TJP1: variants seen among roughly 807,000 people sequenced by gnomAD.
TJP1 encodes tight junction protein ZO-1.
TJP1 carries 43 observed loss-of-function variants against 194.2 expected under a neutral mutation model. The ratio of observed to expected loss-of-function variants is 0.22; its 90% CI spans 0.17 to 0.29. TJP1 has a LOEUF of 0.29. Among genes scored for constraint, TJP1 ranks in the 10% least tolerant of loss-of-function variants. The probability of loss-of-function intolerance (pLI) is 1.00; values close to 1 mark genes in which losing one functional copy is unlikely to be tolerated. For synonymous variants in TJP1, 801 were observed against 779.0 expected (o/e 1.03, Z -0.47); for missense variants, 1,971 against 2,185.7 (o/e 0.90, Z 1.96).
intron 2 of TJP1, among the ~76,000 whole-genome samples, chr15:29,863,106 C>T (rs1193401206): frequency 1.3e-5 from 2 of 151,558 alleles, no homozygotes; most frequent in Admixed American, 1.3e-4. Flanking sequence ...ACCAGCCTGG[C>T]CAACATGGTG....
chr15:29,763,528 G>T (rs1296694430), intron 5 of TJP1, among the ~76,000 whole-genome samples: 2 of 152,136 alleles, frequency 1.3e-5, no homozygotes, highest in African/African-American at 4.8e-5. Flanking sequence ...CCAGCACTTT[G>T]GGAGGCCAAG....
chr15:29,961,334 C>CTTTTTTTTTTTTTT (rs5811594), intron 1 of TJP1, among the ~76,000 whole-genome samples: 1 of 89,818 alleles, frequency 1.1e-5, no homozygotes, highest in Non-Finnish European at 1.9e-5. Context: ...TTTCCTAATT[C>CTTTTTTTTTTTTTT]TTTTTTTTTT....
intron 2 of TJP1, among the ~76,000 whole-genome samples, chr15:29,923,153 A>G (rs1315596015): frequency 1.3e-5 from 2 of 152,184 alleles, no homozygotes; most frequent in African/African-American, 4.8e-5. Context: ...TTCACCCACC[A>G]AATCTATTTC....
chr15:29,813,497 T>C (rs1025451109), intron 1 of TJP1, among the ~76,000 whole-genome samples: 6 of 152,182 alleles, frequency 3.9e-5, no homozygotes, highest in Admixed American at 3.3e-4. Flanking sequence ...ACTAATGAGC[T>C]ACAGTTCTCC....
intron 2 of TJP1, among the ~76,000 whole-genome samples, chr15:29,903,590 A>G (rs373473757): frequency 0.022 from 3,400 of 151,750 alleles, 109 homozygotes; most frequent in African/African-American, 0.078. Flanking sequence ...GACTACAGGC[A>G]CCCGCCACCA....
At chr15:29,812,348 G>T (rs985462503) in intron 1 of TJP1, among the ~76,000 whole-genome samples, 4 of 152,172 alleles carry the variant, frequency 2.6e-5, no homozygotes, top group African/African-American at 4.8e-5. Flanking sequence ...ACAATAAAAA[G>T]ATATAAAAAA....
chr15:29,819,093 C>A (rs1003892864), intron 1 of TJP1, among the ~76,000 whole-genome samples: 3 of 152,156 alleles, frequency 2.0e-5, no homozygotes, highest in Non-Finnish European at 4.4e-5. Context: ...GTATCATGCA[C>A]GGAGGATTCT....
intron 2 of TJP1, among the ~76,000 whole-genome samples, chr15:29,851,788 T>A (rs1016097274): frequency 6.6e-6 from 1 of 152,242 alleles, no homozygotes; most frequent in African/African-American, 2.4e-5. Context: ...TATGCAAATA[T>A]GCCTGGGAGC....
intron 2 of TJP1, among the ~76,000 whole-genome samples, chr15:29,835,991 T>C (rs1159526034): frequency 2.0e-5 from 3 of 152,186 alleles, no homozygotes; most frequent in African/African-American, 7.2e-5. Flanking sequence ...TTCCAGTTTT[T>C]TTCTTCTTTA....
intron 11 of TJP1, 88 bp from the exon 12 acceptor site, chr15:29,734,470 A>G (rs2043889095): frequency 3.1e-6 from 3 of 964,314 alleles, no homozygotes; most frequent in Non-Finnish European, 4.6e-6. Flanking sequence ...CAGTCTACCT[A>G]ATTTGAAAAT....
chr15:29,734,523 G>C, intron 11 of TJP1, 141 bp from the exon 12 acceptor site: 3 of 592,172 alleles, frequency 5.1e-6, no homozygotes, highest in Non-Finnish European at 8.3e-6. Flanking sequence ...TCGCTCTGTC[G>C]CCCAGGCTGG....
At chr15:29,790,410 TTATAG>T (rs1190317900) in intron 2 of TJP1, among the ~76,000 whole-genome samples, 3 of 150,562 alleles carry the variant, frequency 2.0e-5, no homozygotes, top group South Asian at 2.1e-4. Context: ...TTTTTAATTA[TTATAG>T]TAAACAGTAG....
At chr15:29,780,296 T>G (rs2047281238) in intron 2 of TJP1, among the ~76,000 whole-genome samples, 2 of 152,042 alleles carry the variant, frequency 1.3e-5, no homozygotes, top group South Asian at 4.2e-4. Context: ...GATGGTCCCA[T>G]CTGGGGGTGA....
chr15:29,774,633 G>GTTT (rs796329725), intron 2 of TJP1, among the ~76,000 whole-genome samples: 1 of 148,788 alleles, frequency 6.7e-6, no homozygotes, highest in Non-Finnish European at 1.5e-5. Flanking sequence ...AATGGGAGGT[G>GTTT]TTTTTTTTTT....
At chr15:29,702,558 C>T (rs2041617613) in intron 27 of TJP1, among the ~76,000 whole-genome samples, 1 of 152,138 alleles carries the variant, frequency 6.6e-6, no homozygotes, top group African/African-American at 2.4e-5. Context: ...CTTGTTACCA[C>T]TGGCATCTAG....
intron 2 of TJP1, among the ~76,000 whole-genome samples, chr15:29,831,062 G>A (rs957046660): frequency 3.3e-5 from 5 of 152,122 alleles, no homozygotes; most frequent in African/African-American, 1.2e-4. Context: ...AGGAAAGCAA[G>A]AGAGCCCCCA....
At chr15:29,965,360 C>G (rs1033799465) in intron 1 of TJP1, among the ~76,000 whole-genome samples, 1 of 152,110 alleles carries the variant, frequency 6.6e-6, no homozygotes, top group Non-Finnish European at 1.5e-5. Context: ...CAGGCACACA[C>G]CACCATGCCT....
intron 27 of TJP1, among the ~76,000 whole-genome samples, chr15:29,702,302 G>C (rs1368769415): frequency 6.6e-6 from 1 of 152,142 alleles, no homozygotes; most frequent in Non-Finnish European, 1.5e-5. Context: ...TCTGATTCCA[G>C]CTGGACAACA....
chr15:29,828,557 T>C (rs896139784), intron 2 of TJP1, among the ~76,000 whole-genome samples: 9 of 152,196 alleles, frequency 5.9e-5, no homozygotes, highest in African/African-American at 2.2e-4. Flanking sequence ...GATCAGCTTA[T>C]TTTGTTTCCT....
Sources: allele counts gnomAD v4.1 joint callset (sites outside exome capture counted in the v4.1 genomes callset), GRCh38; gene constraint gnomAD v4.1.1; transcripts MANE v1.5; gene names NCBI Gene and HGNC (gene_info 2026-07-23, HGNC 2026-07-21).